PCYOX1: variants seen among roughly 807,000 people sequenced by gnomAD.
The protein encoded by PCYOX1 is prenylcysteine oxidase 1.
PCYOX1 carries 46 observed loss-of-function variants against 46.4 expected under a neutral mutation model. That is an observed-to-expected ratio of 0.99 (90% CI 0.78 to 1.27). PCYOX1 has a LOEUF of 1.27. PCYOX1 is among the 50% of genes most tolerant of loss of function. The pLI is 0.00. For missense variants in PCYOX1, 658 were observed against 628.3 expected (o/e 1.05, Z -0.51); for synonymous variants, 220 against 231.8 (o/e 0.95, Z 0.46).
intron 3 of PCYOX1, among the ~76,000 whole-genome samples, chr2:70,269,735 TGACACGTG>T (rs1696575663): frequency 6.6e-6 from 1 of 151,260 alleles, no homozygotes; most frequent in Non-Finnish European, 1.5e-5. Flanking sequence ...ATTTTTTTTT[TGACACGTG>T]GACACGTGCC....
chr2:70,270,256 A>G (rs1696584607), intron 3 of PCYOX1, among the ~76,000 whole-genome samples: 1 of 152,170 alleles, frequency 6.6e-6, no homozygotes, highest in African/African-American at 2.4e-5. Flanking sequence ...TCAGCTTCCC[A>G]GAGTGCTGGG....
chr2:70,263,452 G>C lies in PCYOX1; in HGVS notation c.494+2066G>C, dbSNP rs1696468196. Among the ~76,000 whole-genome samples the C allele has an allele frequency of 2.0e-5, 3 of 152,096 alleles. No homozygotes were observed. In the South Asian group the frequency reaches 6.2e-4, roughly 32 times the overall value. On this transcript the variant is annotated intron_variant, in intron 3 of 5. Transcript: ENST00000433351. ...TAGGTGCTAGGCATTGTTCTATGTT[G>C]AGAGTATAGGACCTACAACATGTCC...
At chr2:70,269,456 C>T (rs536102657) in intron 3 of PCYOX1, among the ~76,000 whole-genome samples, 1 of 152,080 alleles carries the variant, frequency 6.6e-6, no homozygotes, top group East Asian at 1.9e-4. Context: ...GTGCCTCAGC[C>T]TCCTGAGTAG....
chr2:70,275,457 G>C, intron 4 of PCYOX1, 57 bp from the exon 5 acceptor site: 1 of 1,544,112 alleles, frequency 6.5e-7, no homozygotes, highest in East Asian at 2.2e-5. Context: ...GGGAGAGTGG[G>C]TAGAGAGCCT....
chr2:70,275,316 G>A, intron 4 of PCYOX1, 146 bp downstream of exon 4: 1 of 841,650 alleles, frequency 1.2e-6, no homozygotes, highest in South Asian at 1.6e-5. Context: ...TGCGTATGTA[G>A]ATGTGCATTT....
chr2:70,259,664 C>T, intron 2 of PCYOX1, 98 bp downstream of exon 2: 1 of 890,108 alleles, frequency 1.1e-6, no homozygotes, highest in Non-Finnish European at 1.8e-6. Context: ...TGTTAATTGC[C>T]TTACAGAGAC....
At chr2:70,260,463 G>C (rs1294463876) in intron 2 of PCYOX1, among the ~76,000 whole-genome samples, 3 of 152,182 alleles carry the variant, frequency 2.0e-5, no homozygotes, top group Non-Finnish European at 4.4e-5. Context: ...AGGATCCCTT[G>C]AGCCTGGGAG....
At chr2:70,267,821 T>C (rs554204051) in intron 3 of PCYOX1, among the ~76,000 whole-genome samples, 122 of 151,798 alleles carry the variant, frequency 8.0e-4, no homozygotes, top group Admixed American at 3.6e-3. Flanking sequence ...GAGAGCTGTT[T>C]TTTGTTTTGA....
intron 3 of PCYOX1, among the ~76,000 whole-genome samples, chr2:70,263,453 A>G (rs958948125): frequency 2.6e-5 from 4 of 152,140 alleles, no homozygotes; most frequent in African/African-American, 9.7e-5. Flanking sequence ...TTCTATGTTG[A>G]GAGTATAGGA....
Position 70,274,884 on chromosome 2 carries a change from G to A in PCYOX1, c.495-75G>A, listed in dbSNP as rs369507745. 11 of 931,750 alleles carry A rather than the reference G, an allele frequency of 1.2e-5. No individual in the cohort carries two copies. In the African/African-American group the frequency reaches 1.6e-4, roughly 14 times the overall value. 57.7% of individuals were successfully genotyped at this position (931,750 alleles called of 1,614,324 possible). A position where few individuals can be genotyped will look rare whatever the true frequency, so the allele number is the denominator to read the frequency against. On this transcript the variant is annotated intron_variant, in intron 3 of 5. Transcript: ENST00000433351. Reference sequence around the variant, plus strand: ...TAGATGTCAGTTTGATTCTTATGACGCCACTTCCCTTCTTTATACATCCCC... The same window carrying A: ...TAGATGTCAGTTTGATTCTTATGACACCACTTCCCTTCTTTATACATCCCC...
At chr2:70,264,726 A>T (rs1696488301) in intron 3 of PCYOX1, among the ~76,000 whole-genome samples, 1 of 151,922 alleles carries the variant, frequency 6.6e-6, no homozygotes, top group Admixed American at 6.6e-5. Context: ...TTTAAAAAAT[A>T]ATTTACGGGC....
chr2:70,258,040 G>T (rs1559032451), upstream of PCYOX1: 1 of 684,740 alleles, frequency 1.5e-6, no homozygotes, highest in Non-Finnish European at 2.2e-6. Context: ...GGCGGGGCTC[G>T]CAGGACCTGG....
chr2:70,277,674 T>G lies in PCYOX1; in HGVS notation c.*282T>G, dbSNP rs920066700. On this transcript the variant is annotated 3_prime_UTR_variant, in exon 6 of 6. Coordinates refer to ENST00000433351, the MANE Select transcript of PCYOX1 (RefSeq NM_016297.4). ...ATAAGAATCACCTGGAGTTAGGAGG[T>G]GGTGGTTGCAGTGAGCCAATCTCAC... is the stretch of plus-strand genomic sequence containing the variant. 3.5e-6 allele frequency: 1 copy of G among 287,012 alleles called. No individual in the cohort carries two copies. The highest frequency in any genetic ancestry group is 2.2e-5 in the African/African-American group (1 of 45,678). 17.8% of individuals were successfully genotyped at this position (287,012 alleles called of 1,614,324 possible). A position where few individuals can be genotyped will look rare whatever the true frequency, so the allele number is the denominator to read the frequency against.
intron 3 of PCYOX1, among the ~76,000 whole-genome samples, chr2:70,274,528 CTTCT>C (rs1426887862): frequency 1.4e-5 from 2 of 146,578 alleles, no homozygotes; most frequent in Non-Finnish European, 3.0e-5. Context: ...CCTTTTTCTT[CTTCT>C]TTCTTTCTTC....
chr2:70,260,473 G>C (rs7571465), intron 2 of PCYOX1, among the ~76,000 whole-genome samples: 1 of 152,202 alleles, frequency 6.6e-6, no homozygotes, highest in Non-Finnish European at 1.5e-5. Flanking sequence ...GAGCCTGGGA[G>C]ATAGAAGCTG....
Position 70,277,479 on chromosome 2 carries a change from C to A in PCYOX1, c.*87C>A. On this transcript the variant is annotated 3_prime_UTR_variant, in exon 6 of 6. Coordinates refer to ENST00000433351, the MANE Select transcript of PCYOX1 (RefSeq NM_016297.4). ...AATCTGAGCAGAGATGATTTTGAAC[C>A]AGATATTTTGCCATTATCATTGTTT... The A allele has an allele frequency of 9.0e-7, 1 of 1,109,058 alleles. No individual in the cohort carries two copies. Among genetic ancestry groups the A allele is most frequent in the Non-Finnish European group, 1.3e-6 (1 of 763,220 alleles). The allele number at this position is 1,109,058 out of a possible 1,614,324, so 68.7% of individuals were successfully genotyped here.
chr2:70,274,495 CCTTA>C (rs1406742502), intron 3 of PCYOX1, among the ~76,000 whole-genome samples: 1 of 151,600 alleles, frequency 6.6e-6, no homozygotes, highest in Non-Finnish European at 1.5e-5. Flanking sequence ...CCGCGCCTGG[CCTTA>C]CTTCTACTTT....
At position 70,259,502 on chromosome 2, in the gene PCYOX1, C is replaced by T. The variant is rs775352401; in HGVS notation, c.255C>T (p.Tyr85=). The T allele has an allele frequency of 2.7e-5, 43 of 1,613,886 alleles. No individual in the cohort carries two copies. The African/African-American group carries it at 2.8e-4, about 11-fold the overall frequency. The part of the protein sequence containing the change: ...LATMMVQGQE[Y]EAGGSVIHPL... ...CCATGATGGTGCAGGGGCAAGAATA[C>T]GAGGCAGGAGGTTCTGTCATCCATC... The change falls in exon 2 of 6, where the codon TAC becomes TAT. Residue 85 remains tyrosine (Y), a synonymous_variant. Coordinates refer to ENST00000433351, the MANE Select transcript of PCYOX1 (RefSeq NM_016297.4).
chr2:70,275,495 T>G lies in PCYOX1; in HGVS notation c.707-19T>G, dbSNP rs1011992582. On this transcript the variant is annotated intron_variant, in intron 4 of 5. Coordinates refer to ENST00000433351, the MANE Select transcript of PCYOX1 (RefSeq NM_016297.4). ...TACAAAAAGTCAGAATTAAAACACA[T>G]TTTTCCTCCTATTGACAGGGGCGGT... The G allele has an allele frequency of 7.4e-6, 12 of 1,611,658 alleles. No homozygotes were observed. The highest frequency in any genetic ancestry group is 1.7e-4 in the Middle Eastern group (1 of 6,054).
Sources: gnomAD v4.1 joint callset for allele counts (sites outside exome capture counted in the v4.1 genomes callset) on GRCh38, gnomAD v4.1.1 for gene constraint, MANE v1.5 for transcripts, NCBI Gene and HGNC (gene_info 2026-07-23, HGNC 2026-07-21) for gene names.